RGS22: variants seen among roughly 807,000 people sequenced by gnomAD.
RGS22 encodes the protein regulator of G-protein signaling 22.
A neutral mutation model predicts 172.9 loss-of-function variants in RGS22; 148 were observed. The observed-to-expected ratio is 0.86, with a 90% CI of 0.75 to 0.98. The LOEUF is 0.98. Ranked by LOEUF, RGS22 falls within the 50% of genes least tolerant of loss-of-function variation. The pLI is 0.00. For synonymous variants in RGS22, 458 were observed against 480.2 expected (o/e 0.95, Z 0.60); for missense variants, 1,347 against 1,440.8 (o/e 0.93, Z 1.05).
intron 14 of RGS22, among the ~76,000 whole-genome samples, chr8:100,018,696 T>C (rs1164116342): frequency 2.0e-5 from 3 of 152,222 alleles, no homozygotes; most frequent in East Asian, 1.9e-4. Flanking sequence ...GCTCAAACGA[T>C]TTAAAATACG....
chr8:100,047,096 T>C (rs1290828652), intron 11 of RGS22, among the ~76,000 whole-genome samples: 2 of 152,210 alleles, frequency 1.3e-5, no homozygotes, highest in Non-Finnish European at 2.9e-5. Flanking sequence ...ATTACAGCTC[T>C]GAGCCACCGT....
At chr8:100,040,173 AC>A in intron 12 of RGS22, 86 bp from the exon 13 acceptor site, 1 of 1,198,186 alleles carries the variant, frequency 8.3e-7, no homozygotes, top group Non-Finnish European at 1.2e-6. Context: ...CATAAACTCT[AC>A]CATGCTGTCA....
chr8:100,038,705 G>A lies in RGS22; in HGVS notation c.2166+226C>T, dbSNP rs531309519. ...TTCTTTATCAGAAGAACAAGTAGTT[G>A]GCAAGAGAAAATAAAGCAAACCAAA... On this transcript the variant is annotated intron_variant, in intron 14 of 27. Coordinates refer to ENST00000360863, the MANE Select transcript of RGS22 (RefSeq NM_015668.5). 5.3e-5 allele frequency: 19 copies of A among 358,938 alleles called. No individual in the cohort carries two copies. The South Asian group carries it at 1.7e-3, about 32-fold the overall frequency. The allele number at this position is 358,938 out of a possible 1,614,324, so 22.2% of individuals were successfully genotyped here.
Position 100,008,432 on chromosome 8 carries a change from G to A in RGS22, c.2304C>T (p.Leu768=). 1 of 1,613,366 alleles carries A rather than the reference G, an allele frequency of 6.2e-7. No homozygotes were observed. The highest frequency in any genetic ancestry group is 8.5e-7 in the Non-Finnish European group (1 of 1,179,888). ...TCTTTGTCCATGGCTCAAGAAGGAG[G>A]AGAAGGATATATTCCTCTGCTGTGT... ...LFDTAEEYIL[L]LLLEPWTKMV... is the part of the protein sequence containing the mutation. The change falls in exon 15 of 28, where the codon CTC becomes CTT. Residue 768 remains leucine, a synonymous_variant. Transcript: ENST00000360863.
intron 14 of RGS22, among the ~76,000 whole-genome samples, chr8:100,020,799 G>A (rs143765303): frequency 2.0e-5 from 3 of 152,282 alleles, no homozygotes; most frequent in African/African-American, 7.2e-5. Context: ...CAAAAATAAT[G>A]ACTACTCAAA....
intron 14 of RGS22, among the ~76,000 whole-genome samples, chr8:100,032,930 CG>C: frequency 6.6e-6 from 1 of 152,118 alleles, no homozygotes; most frequent in South Asian, 2.1e-4. Context: ...GAGTAAATAA[CG>C]AAATGAAGGC....
intron 2 of RGS22, among the ~76,000 whole-genome samples, chr8:100,098,862 A>ATTTATTTTATTTTATTTTAT (rs1205135976): frequency 1.8e-4 from 10 of 54,834 alleles, no homozygotes; most frequent in South Asian, 1.1e-3. Context: ...TTATTATTTT[A>ATTTATTTTATTTTATTTTAT]TTTATTTTAT....
chr8:100,002,156 C>A (rs1260929793), intron 18 of RGS22, 46 bp downstream of exon 18: 1 of 1,414,050 alleles, frequency 7.1e-7, no homozygotes, highest in South Asian at 1.5e-5. Context: ...AAATAAAATA[C>A]CGGTTTTCAA....
At chr8:100,009,132 T>TG (rs1344071397) in intron 14 of RGS22, among the ~76,000 whole-genome samples, 1 of 151,982 alleles carries the variant, frequency 6.6e-6, no homozygotes, top group Non-Finnish European at 1.5e-5. Context: ...TAAGAGCGAA[T>TG]GGAGGCCAGG....
intron 20 of RGS22, among the ~76,000 whole-genome samples, chr8:99,995,561 A>T (rs896649848): frequency 2.6e-5 from 4 of 152,224 alleles, no homozygotes; most frequent in African/African-American, 9.6e-5. Context: ...CCACAATGAG[A>T]TACCATCTCA....
intron 11 of RGS22, among the ~76,000 whole-genome samples, chr8:100,045,067 A>G (rs1820570345): frequency 6.6e-6 from 1 of 151,892 alleles, no homozygotes; most frequent in Non-Finnish European, 1.5e-5. Context: ...GCTTGAGGCC[A>G]GGAGTTCAAG....
rs778536157 is a variant in RGS22 at position 99,977,903 on chromosome 8, G to C, written c.3519+14C>G. On this transcript the variant is annotated intron_variant, in intron 23 of 27. Transcript: ENST00000360863. Reference sequence around the variant, plus strand: ...TTAAAAGTCTGATAAAACCCAAAATGAGTCTTGTCTCACCTTTCCAGATTT... The same window carrying C: ...TTAAAAGTCTGATAAAACCCAAAATCAGTCTTGTCTCACCTTTCCAGATTT... The C allele has an allele frequency of 1.4e-5, 21 of 1,546,100 alleles. No individual in the cohort carries two copies. The highest frequency in any genetic ancestry group is 1.8e-5 in the Non-Finnish European group (21 of 1,157,416).
chr8:100,105,658 AC>A (rs779081436), intron 1 of RGS22: 133 of 577,642 alleles, frequency 2.3e-4, no homozygotes, highest in Non-Finnish European at 2.5e-4. Context: ...CATAGACGGA[AC>A]CCTCTATTAT....
chr8:100,064,498 A>G (rs2131802717), intron 7 of RGS22, among the ~76,000 whole-genome samples: 1 of 152,104 alleles, frequency 6.6e-6, no homozygotes, highest in African/African-American at 2.4e-5. Context: ...AAGAAAAAAA[A>G]GAAGGATTCT....
chr8:99,977,611 G>A (rs1470168232), intron 23 of RGS22, among the ~76,000 whole-genome samples: 1 of 152,124 alleles, frequency 6.6e-6, no homozygotes, highest in Non-Finnish European at 1.5e-5. Flanking sequence ...GATGACAGAC[G>A]TAAAAACTTA....
At chr8:100,070,274 TATCA>T in intron 6 of RGS22, among the ~76,000 whole-genome samples, 1 of 152,296 alleles carries the variant, frequency 6.6e-6, no homozygotes, top group Non-Finnish European at 1.5e-5. Context: ...GTAAAATTTT[TATCA>T]ATCCTTTGCT....
In RGS22 at chr8:100,029,577, C is replaced by T. The variant is rs568431696; in HGVS notation, c.2166+9354G>A. The stretch of plus-strand genomic sequence containing the variant: ...CATTAGCCAGGCGTGGTGGTGCACA[C>T]CTGTAATCCCAGCTACTTGGGAGGC... On this transcript the variant is annotated intron_variant, in intron 14 of 27. Coordinates refer to ENST00000360863, the MANE Select transcript of RGS22 (RefSeq NM_015668.5). 4.6e-5 allele frequency among the ~76,000 whole-genome samples: 7 copies of T among 151,886 alleles called. No individual in the cohort carries two copies. In the East Asian group the frequency reaches 1.4e-3, roughly 29 times the overall value.
intron 11 of RGS22, among the ~76,000 whole-genome samples, chr8:100,046,773 T>A (rs897800668): frequency 1.3e-5 from 2 of 151,836 alleles, no homozygotes; most frequent in African/African-American, 4.8e-5. Flanking sequence ...GAGGCTTTGC[T>A]TACGAGAGTC....
chr8:100,022,647 G>GC (rs1432358450), intron 14 of RGS22, among the ~76,000 whole-genome samples: 1 of 151,746 alleles, frequency 6.6e-6, no homozygotes, highest in Non-Finnish European at 1.5e-5. Context: ...ACTGACAAAA[G>GC]CAAGATATAC....
Sources: gnomAD v4.1 joint callset for allele counts (sites outside exome capture counted in the v4.1 genomes callset) on GRCh38, gnomAD v4.1.1 for gene constraint, MANE v1.5 for transcripts, NCBI Gene and HGNC (gene_info 2026-07-23, HGNC 2026-07-21) for gene names.